The following NOL10 variants were observed in gnomAD, a reference collection of about 807,000 sequenced individuals.
The protein encoded by NOL10 is H_NH0074G24.1.
NOL10 carries 58 observed loss-of-function variants against 103.5 expected under a neutral mutation model. The ratio of observed to expected loss-of-function variants is 0.56; its 90% confidence interval spans 0.45 to 0.70. NOL10 has a LOEUF of 0.70. Ranked by LOEUF, NOL10 falls within the 30% of genes least tolerant of loss-of-function variation. NOL10 has a pLI of 0.00. For synonymous variants in NOL10, 287 were observed against 282.5 expected (o/e 1.02, Z -0.16); for missense variants, 763 against 807.3 (o/e 0.95, Z 0.67).
At chr2:10,645,573 G>A (rs1391995732) in intron 12 of NOL10, among the ~76,000 whole-genome samples, 1 of 140,644 alleles carries the variant, frequency 7.1e-6, no homozygotes, top group East Asian at 2.1e-4. Context: ...TTGCTCTGTT[G>A]CCCAGGCTGG....
intron 13 of NOL10, among the ~76,000 whole-genome samples, chr2:10,619,135 A>G (rs1383371135): frequency 6.6e-6 from 1 of 152,152 alleles, no homozygotes; most frequent in African/African-American, 2.4e-5. Flanking sequence ...TGTAGTATGT[A>G]TGTAGGTATG....
At position 10,571,955 on chromosome 2, in the gene NOL10, A is replaced by C. The variant is rs1431063885; in HGVS notation, c.*116T>G. On this transcript the variant is annotated 3_prime_UTR_variant, in exon 21 of 21. Transcript: ENST00000381685. ...TTTCAAATCTTTACCTCTGTGTACA[A>C]GAACGTACATGAACTTTAAAAACGT... 1 of 1,253,964 alleles carries C rather than the reference A, an allele frequency of 8.0e-7. No individual in the cohort carries two copies. Among genetic ancestry groups the C allele is most frequent in the African/African-American group, 1.5e-5 (1 of 66,468 alleles). 77.7% of individuals were successfully genotyped at this position (1,253,964 alleles called of 1,614,324 possible). A position where few individuals can be genotyped will look rare whatever the true frequency, so the allele number is the denominator to read the frequency against.
At position 10,651,968 on chromosome 2, in the gene NOL10, G is replaced by A. The variant is rs181414229; in HGVS notation, c.973+2513C>T. Among the ~76,000 whole-genome samples, 212 of 152,252 alleles carry A rather than the reference G, an allele frequency of 1.4e-3. 7 individuals are homozygous for A. Among genetic ancestry groups the A allele is most frequent in the Non-Finnish European group, 1.6e-3 (112 of 68,024 alleles). On this transcript the variant is annotated intron_variant, in intron 12 of 20. Coordinates refer to ENST00000381685, the MANE Select transcript of NOL10 (RefSeq NM_024894.4). ...TTAGAAACAGCATGGGCAGCTGGGC[G>A]CAGTGGCTCACGCCTGTAATCCCAG...
At chr2:10,619,183 G>A (rs1202854744) in intron 13 of NOL10, among the ~76,000 whole-genome samples, 2 of 152,088 alleles carry the variant, frequency 1.3e-5, no homozygotes, top group Non-Finnish European at 2.9e-5. Flanking sequence ...GTCTTGTTCT[G>A]TCACCCAGGC....
intron 11 of NOL10, among the ~76,000 whole-genome samples, chr2:10,656,197 T>C (rs1572388571): frequency 1.3e-5 from 2 of 152,346 alleles, no homozygotes; most frequent in East Asian, 1.9e-4. Context: ...TAAAAACATA[T>C]GCATTTGTAG....
rs1329944335 is a variant in NOL10, at chr2:10,637,204, A to C, written c.1026+7116T>G. Among the ~76,000 whole-genome samples the C allele has an allele frequency of 3.3e-5, 5 of 150,568 alleles. No individual in the cohort carries two copies. In the East Asian group the frequency reaches 7.7e-4, roughly 23 times the overall value. On this transcript the variant is annotated intron_variant, in intron 13 of 20. Transcript: ENST00000381685. ...ACACTGTCTCAAAAAAAAAAAAAAA[A>C]AAAAAAAAACACACACACACACTAA...
At position 10,603,153 on chromosome 2, in the gene NOL10, G is replaced by A. The variant is rs1321560102; in HGVS notation, c.1158C>T (p.Leu386=). ...GGAAAGGAGATCCAATGAGGTGGGT[G>A]AGCCCTGGGAAAGGTCAAACAGAAG... The part of the protein sequence containing the change: ...VTKKDLENLG[L]THLIGSPFLR... The change falls in exon 15 of 21, where the codon CTC becomes CTT. Residue 386 remains leucine (L), a synonymous_variant. Coordinates refer to ENST00000381685, the MANE Select transcript of NOL10 (RefSeq NM_024894.4). 1.2e-6 allele frequency: 2 copies of A among 1,610,018 alleles called. No individual in the cohort carries two copies. Among genetic ancestry groups the A allele is most frequent in the Non-Finnish European group, 1.7e-6 (2 of 1,177,898 alleles).
intron 12 of NOL10, among the ~76,000 whole-genome samples, chr2:10,645,964 CACA>C (rs1558318123): frequency 6.6e-6 from 1 of 151,640 alleles, no homozygotes; most frequent in African/African-American, 2.4e-5. Context: ...CACACACACA[CACA>C]CCCCGTAAAA....
intron 9 of NOL10, among the ~76,000 whole-genome samples, chr2:10,661,547 T>C (rs1027482138): frequency 1.1e-4 from 16 of 152,170 alleles, no homozygotes; most frequent in Admixed American, 9.2e-4. Flanking sequence ...AATTTTGTAT[T>C]TTTAGTAGAG....
chr2:10,673,960 C>T (rs956304836), intron 4 of NOL10, among the ~76,000 whole-genome samples: 2 of 150,812 alleles, frequency 1.3e-5, no homozygotes, highest in East Asian at 1.9e-4. Context: ...AGAAAAAGAG[C>T]GAAAAATAGC....
At chr2:10,662,430 A>G (rs906888895) in intron 9 of NOL10, among the ~76,000 whole-genome samples, 13 of 152,202 alleles carry the variant, frequency 8.5e-5, no homozygotes, top group Admixed American at 6.5e-4. Context: ...AGGGCAATTT[A>G]GCAATGTACC....
At chr2:10,631,591 C>T (rs192468958) in intron 13 of NOL10, among the ~76,000 whole-genome samples, 1 of 152,170 alleles carries the variant, frequency 6.6e-6, no homozygotes, top group Admixed American at 6.5e-5. Flanking sequence ...CTCCCAAACA[C>T]AACGATTGCA....
rs757216404 is a variant in NOL10 at position 10,589,731 on chromosome 2, G to A, written c.1443C>T (p.Thr481=). ...CAAACATAACTTTAAATCGATCATCGGTGAGAATATTAGGAAGACTCTACA... is the reference window on the plus strand; with the variant it reads ...CAAACATAACTTTAAATCGATCATCAGTGAGAATATTAGGAAGACTCTACA... ...KKVKSLPNIL[T]DDRFKVMFEN... is the part of the protein sequence containing the mutation. The change falls in exon 18 of 21, where the codon ACC becomes ACT. Residue 481 remains threonine, a synonymous_variant. Coordinates refer to ENST00000381685, the MANE Select transcript of NOL10 (RefSeq NM_024894.4). The A allele has an allele frequency of 2.0e-5, 31 of 1,544,248 alleles. No individual in the cohort carries two copies. Among genetic ancestry groups the A allele is most frequent in the Admixed American group, 6.5e-5 (3 of 45,996 alleles).
At chr2:10,636,260 T>C (rs1235831412) in intron 13 of NOL10, among the ~76,000 whole-genome samples, 1 of 151,928 alleles carries the variant, frequency 6.6e-6, no homozygotes, top group Non-Finnish European at 1.5e-5. Flanking sequence ...ACATATACTC[T>C]GGATAGCTGA....
intron 13 of NOL10, among the ~76,000 whole-genome samples, chr2:10,642,786 A>G (rs36065209): frequency 0.21 from 32,649 of 152,006 alleles, 4,591 homozygotes; most frequent in East Asian, 0.44. Context: ...TCTGGGAAGT[A>G]TTCCCTGAGT....
chr2:10,686,847 A>T (rs895859704), intron 1 of NOL10, among the ~76,000 whole-genome samples: 3 of 137,736 alleles, frequency 2.2e-5, no homozygotes, highest in Non-Finnish European at 5.1e-5. Flanking sequence ...CAGGAGGGGG[A>T]AATGTGGGGG....
chr2:10,576,905 T>G (rs1215828742), intron 20 of NOL10, among the ~76,000 whole-genome samples: 1 of 143,706 alleles, frequency 7.0e-6, no homozygotes, highest in African/African-American at 2.5e-5. Flanking sequence ...TCCCTACTAC[T>G]GCTTAAGGAA....
chr2:10,671,394 C>T (rs910650254), intron 6 of NOL10, among the ~76,000 whole-genome samples, 160 bp downstream of exon 6: 1 of 150,306 alleles, frequency 6.7e-6, no homozygotes, highest in Non-Finnish European at 1.5e-5. Context: ...TTTTGCCTAT[C>T]CTGTGTTTTC....
intron 19 of NOL10, among the ~76,000 whole-genome samples, chr2:10,585,297 C>A (rs892523640): frequency 2.0e-5 from 3 of 152,176 alleles, no homozygotes; most frequent in Non-Finnish European, 4.4e-5. Flanking sequence ...CAGTAAAACA[C>A]CTACACATAA....
Sources: gnomAD v4.1 joint callset for allele counts (sites outside exome capture counted in the v4.1 genomes callset) on GRCh38, gnomAD v4.1.1 for gene constraint, MANE v1.5 for transcripts, NCBI Gene and HGNC (gene_info 2026-07-23, HGNC 2026-07-21) for gene names.